The following DPP10 variants were observed in gnomAD, a reference collection of about 807,000 sequenced individuals.
DPP10 encodes the protein inactive dipeptidyl peptidase 10.
In DPP10, 33 loss-of-function variants were observed where a neutral mutation model predicts 120.9. That is an observed-to-expected ratio of 0.27 (90% CI 0.21 to 0.37). DPP10 has a LOEUF of 0.37. Among genes scored for constraint, DPP10 ranks in the 10% least tolerant of loss-of-function variants. The probability of loss-of-function intolerance (pLI) is 1.00; values close to 1 mark genes in which losing one functional copy is unlikely to be tolerated. For synonymous variants in DPP10, 337 were observed against 326.1 expected (o/e 1.03, Z -0.36); for missense variants, 816 against 942.8 (o/e 0.87, Z 1.76).
At chr2:115,680,546 G>T (rs2090580172) in intron 5 of DPP10, among the ~76,000 whole-genome samples, 1 of 151,860 alleles carries the variant, frequency 6.6e-6, no homozygotes, top group Non-Finnish European at 1.5e-5. Context: ...AAAAGTGGAT[G>T]TATACCTCAC....
intron 19 of DPP10, among the ~76,000 whole-genome samples, chr2:115,798,245 G>A (rs548311694): frequency 6.6e-6 from 1 of 151,760 alleles, no homozygotes; most frequent in Non-Finnish European, 1.5e-5. Flanking sequence ...TAATGTAAGG[G>A]TAATTCATAT....
chr2:115,763,080 A>G (rs577608039), intron 12 of DPP10, among the ~76,000 whole-genome samples: 95 of 152,302 alleles, frequency 6.2e-4, no homozygotes, highest in African/African-American at 2.0e-3. Flanking sequence ...ATGACGGACT[A>G]AAAACCTAAT....
chr2:114,492,572 G>A (rs115087919), intron 1 of DPP10, among the ~76,000 whole-genome samples: 2,168 of 152,222 alleles, frequency 0.014, 23 homozygotes, highest in Middle Eastern at 0.044. Flanking sequence ...GTATATGCAC[G>A]TGCTTACATT....
chr2:115,794,374 C>G (rs921980835), intron 19 of DPP10, among the ~76,000 whole-genome samples: 6 of 152,144 alleles, frequency 3.9e-5, no homozygotes, highest in Non-Finnish European at 7.4e-5. Context: ...TTTGGAAACC[C>G]AGTTCTGCTC....
chr2:114,881,976 C>T (rs1311004246), intron 1 of DPP10, among the ~76,000 whole-genome samples: 2 of 152,016 alleles, frequency 1.3e-5, no homozygotes, highest in East Asian at 1.9e-4. Flanking sequence ...CTATAATAGG[C>T]ATGTAACACA....
At chr2:115,628,711 G>C (rs1279457351) in intron 5 of DPP10, among the ~76,000 whole-genome samples, 4 of 151,854 alleles carry the variant, frequency 2.6e-5, no homozygotes, top group African/African-American at 9.7e-5. Flanking sequence ...GTAAGGAGGG[G>C]TTCAGTTTCA....
At chr2:114,754,603 A>T (rs1044030026) in intron 1 of DPP10, among the ~76,000 whole-genome samples, 1 of 152,166 alleles carries the variant, frequency 6.6e-6, no homozygotes, top group African/African-American at 2.4e-5. Flanking sequence ...ACCTTTTATC[A>T]ATAAACTTCA....
At chr2:114,960,930 C>CA (rs1436321203) in intron 1 of DPP10, among the ~76,000 whole-genome samples, 4 of 136,324 alleles carry the variant, frequency 2.9e-5, no homozygotes, top group Admixed American at 7.6e-5. Context: ...AAATAGACAA[C>CA]AAAAAAATCT....
At chr2:115,394,378 A>G (rs992996573) in intron 3 of DPP10, among the ~76,000 whole-genome samples, 1 of 151,376 alleles carries the variant, frequency 6.6e-6, no homozygotes, top group Non-Finnish European at 1.5e-5. Flanking sequence ...TCTTGGAGGT[A>G]TTCTTTTGAG....
At chr2:115,712,655 A>C (rs1387944127) in intron 7 of DPP10, among the ~76,000 whole-genome samples, 1 of 148,004 alleles carries the variant, frequency 6.8e-6, no homozygotes, top group African/African-American at 2.5e-5. Context: ...GTAAAGAATC[A>C]TATAGTAAAT....
chr2:115,252,069 AGGACCTCCTCAATC>A (rs1337830622), intron 1 of DPP10, among the ~76,000 whole-genome samples: 2 of 152,342 alleles, frequency 1.3e-5, no homozygotes, highest in Admixed American at 1.3e-4. Flanking sequence ...AGATTCCAAG[AGGACCTCCTCAATC>A]GGAACATATC....
chr2:114,642,306 T>A (rs985387693), intron 1 of DPP10, among the ~76,000 whole-genome samples: 5 of 151,908 alleles, frequency 3.3e-5, no homozygotes, highest in Non-Finnish European at 7.3e-5. Context: ...AGACAGGAAC[T>A]GAAGATCAAA....
intron 1 of DPP10, among the ~76,000 whole-genome samples, chr2:114,815,926 A>G (rs1239551670): frequency 6.6e-6 from 1 of 150,862 alleles, no homozygotes; most frequent in Admixed American, 6.6e-5. Context: ...TAATAACTTC[A>G]TCTAGTTACC....
At chr2:114,614,621 G>T (rs1370936610) in intron 1 of DPP10, among the ~76,000 whole-genome samples, 2 of 152,134 alleles carry the variant, frequency 1.3e-5, no homozygotes, top group Non-Finnish European at 2.9e-5. Context: ...TAATTAGTGT[G>T]GTTAAAGTGG....
At chr2:115,533,081 A>G (rs2078571743) in intron 5 of DPP10, among the ~76,000 whole-genome samples, 1 of 152,054 alleles carries the variant, frequency 6.6e-6, no homozygotes, top group East Asian at 1.9e-4. Context: ...GTTTGGATTT[A>G]AAATACACCA....
intron 1 of DPP10, among the ~76,000 whole-genome samples, chr2:114,959,155 T>C (rs939508760): frequency 6.6e-6 from 1 of 152,198 alleles, no homozygotes; most frequent in African/African-American, 2.4e-5. Context: ...ACCTCCCGGT[T>C]CAAGCAATTC....
chr2:114,449,965 G>A (rs1472935985), intron 1 of DPP10, among the ~76,000 whole-genome samples: 2 of 152,006 alleles, frequency 1.3e-5, no homozygotes, highest in Non-Finnish European at 2.9e-5. Flanking sequence ...GGGAGGTAGG[G>A]GAAGAAGATT....
At chr2:114,572,324 G>A (rs1001427702) in intron 1 of DPP10, among the ~76,000 whole-genome samples, 4 of 152,120 alleles carry the variant, frequency 2.6e-5, no homozygotes, top group Non-Finnish European at 4.4e-5. Context: ...ACAGAATGAA[G>A]CAAACTCACC....
intron 1 of DPP10, among the ~76,000 whole-genome samples, chr2:115,054,271 G>A (rs1705723176): frequency 1.3e-5 from 2 of 152,138 alleles, no homozygotes; most frequent in East Asian, 3.9e-4. Flanking sequence ...GTAAAAGAAG[G>A]TAGAGAGGAG....
Sources: gnomAD v4.1 joint callset for allele counts (sites outside exome capture counted in the v4.1 genomes callset) on GRCh38, gnomAD v4.1.1 for gene constraint, MANE v1.5 for transcripts, NCBI Gene and HGNC (gene_info 2026-07-23, HGNC 2026-07-21) for gene names.